The following PRLR variants were observed in gnomAD, a reference collection of about 807,000 sequenced individuals.
PRLR encodes hPRL receptor.
In PRLR, 13 loss-of-function variants were observed where a neutral mutation model predicts 40.2. The ratio of observed to expected loss-of-function variants is 0.32; its 90% CI spans 0.21 to 0.51. The LOEUF (loss-of-function observed/expected upper bound fraction) is 0.51. Ranked by LOEUF, PRLR falls within the 20% of genes least tolerant of loss-of-function variation. The pLI, the probability that PRLR is intolerant of heterozygous loss-of-function variation, is 0.97. For synonymous variants in PRLR, 269 were observed against 278.7 expected, an observed-to-expected ratio of 0.97 and a Z score of 0.35; for missense variants, 656 against 747.3, an observed-to-expected ratio of 0.88 and a Z score of 1.42.
At chr5:35,074,723 T>C (rs911001483) in intron 5 of PRLR, among the ~76,000 whole-genome samples, 5 of 151,920 alleles carry the variant, frequency 3.3e-5, no homozygotes, top group African/African-American at 9.7e-5. Flanking sequence ...TACTATAAAA[T>C]AGTTGAAATG....
chr5:35,143,546 A>G (rs1774083746), intron 1 of PRLR, among the ~76,000 whole-genome samples: 1 of 152,124 alleles, frequency 6.6e-6, no homozygotes, highest in Non-Finnish European at 1.5e-5. Context: ...ACATATTGCA[A>G]TTTCTAGTTA....
Position 35,061,908 on chromosome 5 carries a change from G to A in PRLR, c.*3181C>T, listed in dbSNP as rs1579552046. ...ATTTGGGGCTGTTGGATTCAGCAAG[G>A]AATGAGCATGGCTTGATTCAGTAAA... On this transcript the variant is annotated 3_prime_UTR_variant, in exon 10 of 10. Coordinates refer to ENST00000618457, the MANE Select transcript of PRLR (RefSeq NM_000949.7). The A allele has an allele frequency of 6.6e-6, 1 of 152,118 alleles. No homozygotes were observed. Among genetic ancestry groups the A allele is most frequent in the East Asian group, 1.9e-4 (1 of 5,194 alleles). 9.4% of individuals were successfully genotyped at this position (152,118 alleles called of 1,614,324 possible).
intron 5 of PRLR, among the ~76,000 whole-genome samples, chr5:35,079,141 C>G (rs1468207284): frequency 6.6e-6 from 1 of 152,190 alleles, no homozygotes; most frequent in Non-Finnish European, 1.5e-5. Flanking sequence ...CCTTTGAAAA[C>G]TGTCACAAGA....
intron 5 of PRLR, 129 bp from the exon 6 acceptor site, chr5:35,072,873 A>C: frequency 9.4e-7 from 1 of 1,061,194 alleles, no homozygotes; most frequent in Non-Finnish European, 1.3e-6. Context: ...AAGCCCCCCA[A>C]ATACCCGGGC....
At chr5:35,115,168 A>T (rs949005704) in intron 2 of PRLR, among the ~76,000 whole-genome samples, 1 of 152,186 alleles carries the variant, frequency 6.6e-6, no homozygotes, top group African/African-American at 2.4e-5. Flanking sequence ...TTTAATTTCA[A>T]TTTATTTATA....
intron 1 of PRLR, among the ~76,000 whole-genome samples, chr5:35,122,723 G>A (rs951274682): frequency 3.9e-5 from 6 of 152,228 alleles, no homozygotes; most frequent in Admixed American, 2.6e-4. Context: ...TGGAGCTCTT[G>A]AATGAAAAGG....
intron 1 of PRLR, among the ~76,000 whole-genome samples, chr5:35,206,874 G>T (rs138772017): frequency 1.3e-5 from 2 of 152,126 alleles, no homozygotes; most frequent in East Asian, 3.9e-4. Context: ...AATTTTGACT[G>T]TCATAACTGA....
chr5:35,074,524 T>C (rs918685478), intron 5 of PRLR, among the ~76,000 whole-genome samples: 1 of 149,254 alleles, frequency 6.7e-6, no homozygotes, highest in Non-Finnish European at 1.5e-5. Flanking sequence ...TATATATATA[T>C]ATGAAATATC....
At position 35,134,465 on chromosome 5, in the gene PRLR, T is replaced by A. The variant is rs531935309; in HGVS notation, c.-105-16343A>T. Among the ~76,000 whole-genome samples, 3 of 152,212 alleles carry A rather than the reference T, an allele frequency of 2.0e-5. No homozygotes were observed. In the East Asian group the frequency reaches 5.8e-4, roughly 29 times the overall value. On this transcript the variant is annotated intron_variant, in intron 1 of 9. Transcript: ENST00000618457. ...GATATCTCCAGGGTCCAAAGTTGTGTTTGGATAAATTTAAACACCAAGTTA... is the reference window on the plus strand; with the variant it reads ...GATATCTCCAGGGTCCAAAGTTGTGATTGGATAAATTTAAACACCAAGTTA...
chr5:35,070,810 TC>T (rs1401107652), intron 6 of PRLR, among the ~76,000 whole-genome samples: 3 of 128,708 alleles, frequency 2.3e-5, no homozygotes, highest in Non-Finnish European at 4.6e-5. Context: ...GCCATTGCAC[TC>T]CAGCTGAGTG....
intron 2 of PRLR, among the ~76,000 whole-genome samples, chr5:35,116,363 C>A (rs1044220988): frequency 2.6e-5 from 4 of 152,054 alleles, no homozygotes; most frequent in African/African-American, 9.7e-5. Context: ...GAGTGGTGAC[C>A]TGTTTGCTGT....
rs559670752 is a variant in PRLR at position 35,219,721 on chromosome 5, T to A, written c.-106+10547A>T. Among the ~76,000 whole-genome samples the A allele has an allele frequency of 6.6e-5, 10 of 152,348 alleles. No homozygotes were observed. The East Asian group carries it at 1.9e-3, about 29-fold the overall frequency. ...ATCAGAATAGTCTTACGAGACAGGA[T>A]GAAATTTTTATGGTTAAGAGGCAAA... On this transcript the variant is annotated intron_variant, in intron 1 of 9. Coordinates refer to ENST00000618457, the MANE Select transcript of PRLR (RefSeq NM_000949.7).
rs142794616 is a variant in PRLR at position 35,104,997 on chromosome 5, C to T, written c.-44+13064G>A. Among the ~76,000 whole-genome samples, 15 of 152,238 alleles carry T rather than the reference C, an allele frequency of 9.9e-5. No individual in the cohort carries two copies. In the East Asian group the frequency reaches 2.7e-3, roughly 27 times the overall value. ...TAGGGGCCGACTGACACCTCATACA[C>T]GCAGGTGCCCCTCTGAGACGAAGTT... On this transcript the variant is annotated intron_variant, in intron 2 of 9. Transcript: ENST00000618457.
At chr5:35,126,580 A>G (rs1773476641) in intron 1 of PRLR, among the ~76,000 whole-genome samples, 1 of 152,174 alleles carries the variant, frequency 6.6e-6, no homozygotes, top group Admixed American at 6.5e-5. Context: ...GGATGTGTAT[A>G]GGATTCTGAA....
At chr5:35,222,744 T>C (rs1328100731) in intron 1 of PRLR, among the ~76,000 whole-genome samples, 2 of 152,154 alleles carry the variant, frequency 1.3e-5, no homozygotes, top group Non-Finnish European at 2.9e-5. Context: ...GTATGTGGAA[T>C]TCAGTAGCTG....
At chr5:35,133,766 G>A (rs571662352) in intron 1 of PRLR, among the ~76,000 whole-genome samples, 25 of 152,264 alleles carry the variant, frequency 1.6e-4, no homozygotes, top group African/African-American at 5.8e-4. Flanking sequence ...TGAAGAACCT[G>A]TGGGCTACCA....
chr5:35,225,192 C>T (rs1776519076), intron 1 of PRLR, among the ~76,000 whole-genome samples: 1 of 152,274 alleles, frequency 6.6e-6, no homozygotes, highest in East Asian at 1.9e-4. Context: ...ATGACCCTTT[C>T]ATTGTAGGAC....
In PRLR at chr5:35,085,894, T is replaced by G. The variant is rs1290133323; in HGVS notation, c.203+314A>C. 2.6e-5 allele frequency among the ~76,000 whole-genome samples: 4 copies of G among 152,076 alleles called. No homozygotes were observed. In the East Asian group the frequency reaches 7.7e-4, roughly 29 times the overall value. On this transcript the variant is annotated intron_variant, in intron 4 of 9. Coordinates refer to ENST00000618457, the MANE Select transcript of PRLR (RefSeq NM_000949.7). Reference sequence around the variant, plus strand: ...CCTTCTGCTGGTGACAGAAACAGATTGATGGGACCCAAGCAAGTGATGAAG... The same window carrying G: ...CCTTCTGCTGGTGACAGAAACAGATGGATGGGACCCAAGCAAGTGATGAAG...
At chr5:35,135,984 T>C (rs991454591) in intron 1 of PRLR, among the ~76,000 whole-genome samples, 1 of 152,198 alleles carries the variant, frequency 6.6e-6, no homozygotes, top group Non-Finnish European at 1.5e-5. Flanking sequence ...CTGGGAAATA[T>C]GGCCACGATA....
Sources: allele counts gnomAD v4.1 joint callset (sites outside exome capture counted in the v4.1 genomes callset), GRCh38; gene constraint gnomAD v4.1.1; transcripts MANE v1.5; gene names NCBI Gene and HGNC (gene_info 2026-07-23, HGNC 2026-07-21).